STK32B: variants seen among roughly 807,000 people sequenced by gnomAD.
STK32B encodes the protein serine/threonine kinase 32B.
Under a neutral mutation model 52.6 loss-of-function variants are expected in STK32B, and 43 were observed. That is an observed-to-expected ratio of 0.82 (90% CI 0.64 to 1.05). The LOEUF is 1.05. Among genes scored for constraint, STK32B ranks in the 50% least tolerant of loss-of-function variants. The pLI is 0.00. For synonymous variants in STK32B, 238 were observed against 204.3 expected (o/e 1.17, Z -1.41); for missense variants, 621 against 534.6 (o/e 1.16, Z -1.59).
At position 5,249,453 on chromosome 4, in the gene STK32B, TC is replaced by T. The variant is rs1725737940; in HGVS notation, c.260+81005del. Among the ~76,000 whole-genome samples the T allele has an allele frequency of 1.3e-4, 8 of 60,982 alleles. 1 individual carries two copies. In the South Asian group the frequency reaches 3.7e-3, roughly 28 times the overall value. The allele number at this position is 60,982 out of a possible 152,430, so 40.0% of individuals were successfully genotyped here. On this transcript the variant is annotated intron_variant, in intron 3 of 11. Transcript: ENST00000282908. Reference sequence around the variant, plus strand: ...TTCCTTCCTACCTACCTTCCTTCCTTCCTTCCTTCCTTCCTTCCTTCCTTCC... The same window carrying T: ...TTCCTTCCTACCTACCTTCCTTCCTTCTTCCTTCCTTCCTTCCTTCCTTCC...
At chr4:5,327,008 C>T (rs1219996851) in intron 3 of STK32B, among the ~76,000 whole-genome samples, 3 of 152,244 alleles carry the variant, frequency 2.0e-5, no homozygotes, top group Non-Finnish European at 2.9e-5. Flanking sequence ...ACAATGTGTA[C>T]AGCACCTTCA....
At chr4:5,417,129 C>T (rs1412029671) in intron 6 of STK32B, among the ~76,000 whole-genome samples, 195 bp downstream of exon 6, 2 of 152,238 alleles carry the variant, frequency 1.3e-5, no homozygotes, top group African/African-American at 4.8e-5. Flanking sequence ...TGCTAGACAA[C>T]CCCTCTCCTC....
chr4:5,499,485 T>G lies in STK32B; in HGVS notation c.*402T>G, dbSNP rs1560101540. 3 of 163,168 alleles carry G rather than the reference T, an allele frequency of 1.8e-5. No individual in the cohort carries two copies. The highest frequency in any genetic ancestry group is 1.3e-5 in the Non-Finnish European group (1 of 75,788). The allele number at this position is 163,168 out of a possible 1,614,324, so 10.1% of individuals were successfully genotyped here. A position where few individuals can be genotyped will look rare whatever the true frequency, so the allele number is the denominator to read the frequency against. ...CCAAAGCAATCAAACCGTCATGACT[T>G]TGCAATTTGGCACATCCTAGCTTGT... On this transcript the variant is annotated 3_prime_UTR_variant, in exon 12 of 12. Coordinates refer to ENST00000282908, the MANE Select transcript of STK32B (RefSeq NM_018401.3).
chr4:5,055,358 C>A (rs573191527), intron 1 of STK32B, among the ~76,000 whole-genome samples: 1 of 151,910 alleles, frequency 6.6e-6, no homozygotes, highest in Admixed American at 6.6e-5. Context: ...CCATTTCTTG[C>A]CTTCTCCATC....
At chr4:5,348,255 G>A (rs553751426) in intron 4 of STK32B, among the ~76,000 whole-genome samples, 107 of 152,272 alleles carry the variant, frequency 7.0e-4, no homozygotes, top group African/African-American at 2.5e-3. Context: ...ACTAACATAA[G>A]GAACTGCATG....
intron 3 of STK32B, among the ~76,000 whole-genome samples, chr4:5,175,271 G>A (rs1250387354): frequency 6.6e-6 from 1 of 152,010 alleles, no homozygotes; most frequent in Non-Finnish European, 1.5e-5. Context: ...GCTCGGAGTA[G>A]TTTGATCTTC....
At chr4:5,375,747 C>G (rs1232199918) in intron 4 of STK32B, among the ~76,000 whole-genome samples, 1 of 152,130 alleles carries the variant, frequency 6.6e-6, no homozygotes, top group Non-Finnish European at 1.5e-5. Context: ...CAAATGTCTA[C>G]TGATGACTGT....
intron 1 of STK32B, among the ~76,000 whole-genome samples, chr4:5,132,523 A>T (rs955723555): frequency 4.6e-5 from 7 of 152,190 alleles, no homozygotes; most frequent in Non-Finnish European, 7.3e-5. Flanking sequence ...GTGAGAGAAG[A>T]TGTGACAACC....
At chr4:5,091,964 G>A (rs533992983) in intron 1 of STK32B, among the ~76,000 whole-genome samples, 3 of 152,290 alleles carry the variant, frequency 2.0e-5, no homozygotes, top group Non-Finnish European at 2.9e-5. Context: ...GTCACATATT[G>A]TATGATTTCA....
Position 5,051,567 on chromosome 4 carries a change from A to C in STK32B, c.-297A>C. ...AGCGCCGCACGTTGGCCCCGGCGCG[A>C]GGAGCTCCCGGGTTCCCGGGCGGGC... On this transcript the variant is annotated 5_prime_UTR_variant, in exon 1 of 12. Coordinates refer to ENST00000282908, the MANE Select transcript of STK32B (RefSeq NM_018401.3). 1 of 381,400 alleles carries C rather than the reference A, an allele frequency of 2.6e-6. No individual in the cohort carries two copies. The allele number at this position is 381,400 out of a possible 1,614,324, so 23.6% of individuals were successfully genotyped here. A position where few individuals can be genotyped will look rare whatever the true frequency, so the allele number is the denominator to read the frequency against.
intron 4 of STK32B, among the ~76,000 whole-genome samples, chr4:5,374,773 C>CGGG (rs35953395): frequency 1.6e-5 from 2 of 127,754 alleles, no homozygotes; most frequent in East Asian, 2.4e-4. Context: ...TGAATATTGA[C>CGGG]GGGGGCGGGG....
intron 3 of STK32B, among the ~76,000 whole-genome samples, chr4:5,290,282 A>C (rs1728810206): frequency 6.6e-6 from 1 of 151,940 alleles, no homozygotes; most frequent in Non-Finnish European, 1.5e-5. Flanking sequence ...TAAACTTTTA[A>C]ATATTTTAAA....
Position 5,395,099 on chromosome 4 carries a change from T to TA in STK32B, c.435-3107dup, listed in dbSNP as rs749947915. On this transcript the variant is annotated intron_variant, in intron 4 of 11. Coordinates refer to ENST00000282908, the MANE Select transcript of STK32B (RefSeq NM_018401.3). This position sits in a 1 kb window ranked among gnomAD's most constrained non-coding sequence, Gnocchi z 4.4. ...ACTGGGGTCCCGTTTTCTTGCTACA[T>TA]ATAGGCCAGCGGTCACTCTTCCTCC... 1.4e-4 allele frequency among the ~76,000 whole-genome samples: 21 copies of TA among 152,136 alleles called. No individual in the cohort carries two copies. Among genetic ancestry groups the TA allele is most frequent in the Non-Finnish European group, 2.9e-4 (20 of 68,028 alleles).
At chr4:5,316,030 T>C (rs1730659003) in intron 3 of STK32B, among the ~76,000 whole-genome samples, 1 of 147,594 alleles carries the variant, frequency 6.8e-6, no homozygotes, top group Non-Finnish European at 1.5e-5. Flanking sequence ...TAAAGAGAGC[T>C]GACATTAATA....
chr4:5,048,902 C>G (rs1245310297), upstream of STK32B, among the ~76,000 whole-genome samples: 2 of 152,236 alleles, frequency 1.3e-5, no homozygotes, highest in Non-Finnish European at 2.9e-5. Flanking sequence ...CAGGCACATT[C>G]TCTATGGATG....
Position 5,395,556 on chromosome 4 carries a change from A to G in STK32B, c.435-2651A>G, listed in dbSNP as rs1023506839. On this transcript the variant is annotated intron_variant, in intron 4 of 11. Coordinates refer to ENST00000282908, the MANE Select transcript of STK32B (RefSeq NM_018401.3). The surrounding 1 kb of genome is among the most constrained non-coding windows in gnomAD (Gnocchi z 4.4). ...ACCTGCCACAACTTACAATCCTGCCATTGATTCATGTGCCTTCTGGTGTGC... is the reference window on the plus strand; with the variant it reads ...ACCTGCCACAACTTACAATCCTGCCGTTGATTCATGTGCCTTCTGGTGTGC... Among the ~76,000 whole-genome samples the G allele has an allele frequency of 6.6e-6, 1 of 152,254 alleles. No individual in the cohort carries two copies. Among genetic ancestry groups the G allele is most frequent in the African/African-American group, 2.4e-5 (1 of 41,550 alleles).
intron 6 of STK32B, among the ~76,000 whole-genome samples, chr4:5,418,793 C>T (rs796346620): frequency 3.9e-5 from 6 of 152,214 alleles, no homozygotes; most frequent in African/African-American, 1.4e-4. Context: ...AATTAAACAA[C>T]CAAAATCTTT....
intron 3 of STK32B, among the ~76,000 whole-genome samples, chr4:5,319,112 C>T (rs558585536): frequency 4.6e-5 from 7 of 152,246 alleles, no homozygotes; most frequent in Admixed American, 2.0e-4. Flanking sequence ...CTAAAAATAG[C>T]AAGTATTTCT....
At chr4:5,042,789 G>C in the STK32B span, among the ~76,000 whole-genome samples, 3 of 152,182 alleles carry the variant, frequency 2.0e-5, no homozygotes, top group Non-Finnish European at 2.9e-5. Flanking sequence ...CAATAGAGTA[G>C]CCAATAGCTC....
Sources: allele counts gnomAD v4.1 joint callset (sites outside exome capture counted in the v4.1 genomes callset), GRCh38; gene constraint gnomAD v4.1.1; non-coding constraint Gnocchi (gnomAD v3.1); transcripts MANE v1.5; gene names NCBI Gene and HGNC (gene_info 2026-07-23, HGNC 2026-07-21).